GML: variants seen among roughly 807,000 people sequenced by gnomAD.
The protein encoded by GML is glycosylphosphatidylinositol anchored molecule like.
Under a neutral mutation model 8.2 loss-of-function variants are expected in GML, and 5 were observed. That is an observed-to-expected ratio of 0.61 (90% CI 0.32 to 1.28). The LOEUF is 1.28. Among genes scored for constraint, GML ranks in the 50% most tolerant of loss-of-function variants. GML has a pLI of 0.06. For missense variants in GML, 191 were observed against 198.3 expected, an observed-to-expected ratio of 0.96 and a Z score of 0.22; for synonymous variants, 72 against 69.0, an observed-to-expected ratio of 1.04 and a Z score of -0.22.
chr8:142,842,988 A>G (rs1816455758), intron 3 of GML, among the ~76,000 whole-genome samples: 1 of 152,058 alleles, frequency 6.6e-6, no homozygotes, highest in African/African-American at 2.4e-5. Flanking sequence ...TTAGACCTAG[A>G]CTGTTTTAGA....
At chr8:142,843,907 C>G (rs1816470341) in intron 3 of GML, among the ~76,000 whole-genome samples, 1 of 152,148 alleles carries the variant, frequency 6.6e-6, no homozygotes, top group Non-Finnish European at 1.5e-5. Flanking sequence ...TATCTCTTCT[C>G]CAATTAACCT....
intron 1 of GML, among the ~76,000 whole-genome samples, chr8:142,839,953 C>G (rs1586543730): frequency 6.6e-6 from 1 of 152,026 alleles, no homozygotes; most frequent in South Asian, 2.1e-4. Flanking sequence ...TCTGCCCTCG[C>G]TCCCCTTCTG....
At chr8:142,841,861 G>A (rs1037495010) in intron 3 of GML, among the ~76,000 whole-genome samples, 2 of 152,194 alleles carry the variant, frequency 1.3e-5, no homozygotes, top group Non-Finnish European at 1.5e-5. Context: ...AGCCTCGTCT[G>A]GGGCTCTGCT....
chr8:142,839,664 G>C (rs144931590), intron 1 of GML, among the ~76,000 whole-genome samples: 61 of 152,326 alleles, frequency 4.0e-4, no homozygotes, highest in Non-Finnish European at 5.6e-4. Context: ...CTGCTGAAGG[G>C]GGGTAGGGGA....
At position 142,840,501 on chromosome 8, in the gene GML, C is replaced by T. The variant is rs199525495; in HGVS notation, c.64C>T (p.Arg22Cys). 3.1e-5 allele frequency: 49 copies of T among 1,604,068 alleles called. No individual in the cohort carries two copies. The highest frequency in any genetic ancestry group is 2.9e-4 in the East Asian group (13 of 44,810). The change falls in exon 2 of 4, where the codon CGC (arginine) becomes TGC (cysteine). Residue 22 changes from arginine to cysteine, a missense_variant. Physicochemically the swap from Arg to Cys is radical, Grantham distance 180. Transcript: ENST00000220940. Reference protein sequence around the residue: ...LPLVAASATMRAQWTYSLRCH... With the variant: ...LPLVAASATMCAQWTYSLRCH... Reference sequence around the variant, plus strand: ...ATTGGTGGCAGCCAGTGCCACCATGCGCGCTCAGTGTAAGTATCATTCCCT... The same window carrying T: ...ATTGGTGGCAGCCAGTGCCACCATGTGCGCTCAGTGTAAGTATCATTCCCT...
At chr8:142,837,644 C>A (rs996481415) in intron 1 of GML, among the ~76,000 whole-genome samples, 1 of 146,364 alleles carries the variant, frequency 6.8e-6, no homozygotes, top group Non-Finnish European at 1.5e-5. Flanking sequence ...GCTCACCTTT[C>A]ACACCGAATC....
intron 1 of GML, 57 bp from the exon 2 acceptor site, chr8:142,840,359 G>C (rs891440138): frequency 5.4e-6 from 6 of 1,103,932 alleles, no homozygotes; most frequent in Non-Finnish European, 8.4e-6. Flanking sequence ...CAGGGGCATA[G>C]AGCTGGCCAA....
rs1324188283 is a variant in GML, at chr8:142,846,539, T to C, written c.326T>C (p.Val109Ala). ...TGGGTTTGTTGTTGTAATAGCATGGTTTGCAATGCAGGAGGACCTACTAAT... is the reference window on the plus strand; with the variant it reads ...TGGGTTTGTTGTTGTAATAGCATGGCTTGCAATGCAGGAGGACCTACTAAT... ...FYWVCCCNSM[V>A]CNAGGPTNLE... The change falls in exon 4 of 4, where the codon GTT becomes GCT. Residue 109 changes from valine (V) to alanine (A), a missense_variant. Transcript: ENST00000220940. 1.9e-6 allele frequency: 3 copies of C among 1,614,074 alleles called. No individual in the cohort carries two copies. The Admixed American group carries it at 5.0e-5, about 27-fold the overall frequency.
chr8:142,842,828 T>C (rs530883264), intron 3 of GML, among the ~76,000 whole-genome samples: 16 of 152,338 alleles, frequency 1.1e-4, no homozygotes, highest in Admixed American at 9.8e-4. Flanking sequence ...GCCTTTGATA[T>C]TGCCCTGCAG....
At chr8:142,837,166 C>T (rs111658111) in intron 1 of GML, among the ~76,000 whole-genome samples, 22,463 of 151,486 alleles carry the variant, frequency 0.15, 2,079 homozygotes, top group East Asian at 0.48. Context: ...TAGTGGCGTG[C>T]GCCCATAGTC....
intron 3 of GML, among the ~76,000 whole-genome samples, chr8:142,842,573 G>C (rs917111566): frequency 1.3e-5 from 2 of 152,248 alleles, no homozygotes; most frequent in Non-Finnish European, 2.9e-5. Flanking sequence ...GTGAAGCAGA[G>C]ATCACTCTTC....
intron 3 of GML, among the ~76,000 whole-genome samples, chr8:142,843,673 C>G (rs1275032193): frequency 6.6e-6 from 1 of 152,150 alleles, no homozygotes; most frequent in Non-Finnish European, 1.5e-5. Flanking sequence ...TTTACAAAAT[C>G]AGTTGTCCTT....
chr8:142,841,915 G>T (rs1470996893), intron 3 of GML, among the ~76,000 whole-genome samples: 1 of 152,184 alleles, frequency 6.6e-6, no homozygotes, highest in African/African-American at 2.4e-5. Context: ...GTCTGTGGTT[G>T]TGCTTGCAAC....
At chr8:142,844,585 GA>G (rs1816480962) in intron 3 of GML, among the ~76,000 whole-genome samples, 1 of 151,876 alleles carries the variant, frequency 6.6e-6, no homozygotes, top group Admixed American at 6.6e-5. Flanking sequence ...ATAATATAAT[GA>G]ACTTATTCCT....
In GML at chr8:142,846,613, G is replaced by A. The variant is rs1274905914; in HGVS notation, c.400G>A (p.Glu134Lys). 1 of 1,614,002 alleles carries A rather than the reference G, an allele frequency of 6.2e-7. No individual in the cohort carries two copies. Among genetic ancestry groups the A allele is most frequent in the Admixed American group, 1.7e-5 (1 of 60,020 alleles). Residue 134 changes from glutamate (E) to lysine (K), a missense_variant, in exon 4 of 4, where the codon GAA becomes AAA. Physicochemically the swap from Glu to Lys is moderately conservative, Grantham distance 56. Transcript: ENST00000220940. ...TGAAGTAACTGAGGAGGAGCTTCCA[G>A]AAGGAACTGTGAGGCTGGGGGTATC... ...PDEVTEEELP[E>K]GTVRLGVSKL... is the part of the protein sequence containing the mutation.
At chr8:142,840,034 G>T (rs896622071) in intron 1 of GML, among the ~76,000 whole-genome samples, 1 of 152,134 alleles carries the variant, frequency 6.6e-6, no homozygotes, top group Non-Finnish European at 1.5e-5. Flanking sequence ...CGGAGGGAGC[G>T]GGAAGCGCGT....
intron 3 of GML, among the ~76,000 whole-genome samples, chr8:142,842,488 CTA>C (rs1272807279): frequency 2.0e-5 from 3 of 152,294 alleles, no homozygotes; most frequent in Admixed American, 6.5e-5. Flanking sequence ...AGGCTGAGAA[CTA>C]TCTTTCCCAT....
intron 3 of GML, among the ~76,000 whole-genome samples, chr8:142,842,748 G>T (rs930211952): frequency 5.9e-5 from 9 of 152,216 alleles, no homozygotes; most frequent in Admixed American, 5.2e-4. Context: ...GGGTACTCCA[G>T]TGGCGCAGTT....
Position 142,840,353 on chromosome 8 carries a change from G to C in GML, c.-22-63G>C, listed in dbSNP as rs1409637500. On this transcript the variant is annotated intron_variant, in intron 1 of 3. Transcript: ENST00000220940. The stretch of plus-strand genomic sequence containing the variant: ...GACTCATGAGGCCGTTGAGGCCAGG[G>C]GCATAGAGCTGGCCAAGGAGCCATG... The C allele has an allele frequency of 2.9e-6, 3 of 1,025,228 alleles. No homozygotes were observed. In the Admixed American group the frequency reaches 5.2e-5, roughly 18 times the overall value. The allele number at this position is 1,025,228 out of a possible 1,614,324, so 63.5% of individuals were successfully genotyped here.
Sources: allele counts gnomAD v4.1 joint callset (sites outside exome capture counted in the v4.1 genomes callset), GRCh38; gene constraint gnomAD v4.1.1; transcripts MANE v1.5; gene names NCBI Gene and HGNC (gene_info 2026-07-23, HGNC 2026-07-21).